NRXN3: variants seen among roughly 807,000 people sequenced by gnomAD.
The protein encoded by NRXN3 is neurexin III.
NRXN3 carries 32 observed loss-of-function variants against 137.6 expected under a neutral mutation model. That is an observed-to-expected ratio of 0.23 (90% confidence interval 0.18 to 0.31). The LOEUF (loss-of-function observed/expected upper bound fraction) is 0.31, where lower values mean the gene tolerates loss of function less well. Among genes scored for constraint, NRXN3 ranks in the 10% least tolerant of loss-of-function variants. NRXN3 has a pLI of 1.00. For missense variants in NRXN3, 1,574 were observed against 2,062.5 expected (o/e 0.76, Z 4.59); for synonymous variants, 798 against 784.5 (o/e 1.02, Z -0.29).
intron 15 of NRXN3, among the ~76,000 whole-genome samples, chr14:79,173,164 A>C (rs2061952281): frequency 6.6e-6 from 1 of 152,210 alleles, no homozygotes; most frequent in Non-Finnish European, 1.5e-5. Flanking sequence ...ATTGGTTGAA[A>C]CATTGCTAAC....
chr14:79,259,215 C>G (rs529895840), intron 15 of NRXN3, among the ~76,000 whole-genome samples: 2 of 152,268 alleles, frequency 1.3e-5, no homozygotes, highest in South Asian at 4.2e-4. Flanking sequence ...AGGTTGTGAG[C>G]TTTTGTTCGT....
chr14:79,585,193 T>G (rs946538125), intron 16 of NRXN3, among the ~76,000 whole-genome samples: 1 of 152,192 alleles, frequency 6.6e-6, no homozygotes, highest in African/African-American at 2.4e-5. Context: ...TCAAAGTGAT[T>G]TTATGCCCAC....
At chr14:79,357,308 T>C (rs1343654361) in intron 15 of NRXN3, among the ~76,000 whole-genome samples, 1 of 152,164 alleles carries the variant, frequency 6.6e-6, no homozygotes, top group Non-Finnish European at 1.5e-5. Context: ...ATTTTCACAG[T>C]ATTCATAATT....
intron 4 of NRXN3, among the ~76,000 whole-genome samples, chr14:78,484,903 T>C (rs2095537717): frequency 6.6e-6 from 1 of 152,142 alleles, no homozygotes; most frequent in Non-Finnish European, 1.5e-5. Context: ...GAGACACTTG[T>C]CCGGATATGA....
chr14:78,808,954 TA>T lies in NRXN3; in HGVS notation c.2249-1354del, dbSNP rs373641297. Among the ~76,000 whole-genome samples the T allele has an allele frequency of 3.7e-3, 547 of 149,794 alleles. 4 individuals are homozygous for T. Among genetic ancestry groups the T allele is most frequent in the African/African-American group, 0.012 (498 of 40,918 alleles). ...ATTTTCCCCTCTATCTTTCTTCCTT[TA>T]AAAAAAAAATCATTTCGCTTCTACC... On this transcript the variant is annotated intron_variant, in intron 9 of 20. Transcript: ENST00000335750.
chr14:79,170,305 A>T (rs1443714491), intron 15 of NRXN3, among the ~76,000 whole-genome samples: 1 of 152,116 alleles, frequency 6.6e-6, no homozygotes, highest in Non-Finnish European at 1.5e-5. Flanking sequence ...AAATTATTTA[A>T]CTTCCTTAAA....
chr14:79,527,501 A>G (rs1054202747), intron 16 of NRXN3, among the ~76,000 whole-genome samples: 8 of 152,094 alleles, frequency 5.3e-5, no homozygotes, highest in Non-Finnish European at 8.8e-5. Context: ...GTTATGAACA[A>G]TCAATTATAT....
At chr14:79,477,584 A>G (rs4899746) in intron 16 of NRXN3, among the ~76,000 whole-genome samples, 106,855 of 151,942 alleles carry the variant, frequency 0.7, 38,478 homozygotes, top group African/African-American at 0.86. Context: ...GTTTTATACC[A>G]ATGATCGATT....
intron 4 of NRXN3, among the ~76,000 whole-genome samples, chr14:78,549,554 C>T (rs1043248508): frequency 2.0e-5 from 3 of 152,152 alleles, no homozygotes; most frequent in Non-Finnish European, 2.9e-5. Flanking sequence ...CTGTCAGTGC[C>T]TCATCGATGT....
At chr14:79,595,032 C>T (rs1043739572) in intron 16 of NRXN3, among the ~76,000 whole-genome samples, 2 of 152,212 alleles carry the variant, frequency 1.3e-5, no homozygotes, top group South Asian at 2.1e-4. Context: ...ATGCATACCT[C>T]AGCTGAAAAT....
At chr14:78,749,919 C>T (rs963189711) in intron 8 of NRXN3, among the ~76,000 whole-genome samples, 2 of 152,188 alleles carry the variant, frequency 1.3e-5, no homozygotes, top group African/African-American at 4.8e-5. Context: ...AAGAAAATCC[C>T]CTGCAGATGT....
chr14:79,806,938 T>TTATATATATATATATATA (rs1296037210), intron 20 of NRXN3, among the ~76,000 whole-genome samples: 14 of 58,066 alleles, frequency 2.4e-4, no homozygotes, highest in African/African-American at 9.1e-4. Context: ...GGCTTTAATT[T>TTATATATATATATATATA]TATATATATA....
At chr14:79,106,254 G>A (rs1027465025) in intron 15 of NRXN3, among the ~76,000 whole-genome samples, 8 of 152,102 alleles carry the variant, frequency 5.3e-5, no homozygotes, top group African/African-American at 1.7e-4. Context: ...CTTGGATGAC[G>A]GTAGGTAGCA....
Position 79,861,679 on chromosome 14 carries a change from G to A in NRXN3, c.4431G>A (p.Pro1477=), listed in dbSNP as rs1254494576. 4 of 1,614,150 alleles carry A rather than the reference G, an allele frequency of 2.5e-6. No homozygotes were observed. The South Asian group carries it at 3.3e-5, about 13-fold the overall frequency. Residue 1477 remains proline (P), a synonymous_variant, in exon 21 of 21, where the codon CCG becomes CCA. Coordinates refer to ENST00000335750, the MANE Select transcript of NRXN3 (RefSeq NM_001330195.2). This position sits in a 1 kb window ranked among gnomAD's most constrained non-coding sequence, Gnocchi z 5.4. The part of the protein sequence containing the change: ...RNVPTANPTE[P]GIRRVPGASE... ...TGCCCACAGCAAACCCCACGGAGCC[G>A]GGAATCAGACGGGTTCCGGGGGCCT...
At chr14:79,758,330 G>T (rs186905060) in intron 19 of NRXN3, among the ~76,000 whole-genome samples, 1 of 152,250 alleles carries the variant, frequency 6.6e-6, no homozygotes, top group African/African-American at 2.4e-5. Context: ...TCTCCTTCTG[G>T]TGCTGCCCCT....
At chr14:78,528,332 C>A (rs541571019) in intron 4 of NRXN3, among the ~76,000 whole-genome samples, 23 of 152,258 alleles carry the variant, frequency 1.5e-4, no homozygotes, top group African/African-American at 5.3e-4. Flanking sequence ...GTGGAATTCC[C>A]ATTTTGTGTA....
At chr14:79,265,449 G>A (rs1005629963) in intron 15 of NRXN3, among the ~76,000 whole-genome samples, 1 of 151,610 alleles carries the variant, frequency 6.6e-6, no homozygotes, top group African/African-American at 2.4e-5. Context: ...TAGTGCCAAT[G>A]GTAGCTAAAG....
chr14:78,251,912 T>C (rs1189745185), intron 2 of NRXN3, among the ~76,000 whole-genome samples: 4 of 152,130 alleles, frequency 2.6e-5, no homozygotes, highest in African/African-American at 4.8e-5. Context: ...GTTGCAGGTA[T>C]CAGGCTGTGG....
At chr14:79,180,565 A>AT (rs2062817664) in intron 15 of NRXN3, among the ~76,000 whole-genome samples, 2 of 152,072 alleles carry the variant, frequency 1.3e-5, no homozygotes, top group African/African-American at 2.4e-5. Flanking sequence ...ATTAACTGCT[A>AT]TTTTTTATTT....
Sources: allele counts gnomAD v4.1 joint callset (sites outside exome capture counted in the v4.1 genomes callset), GRCh38; gene constraint gnomAD v4.1.1; non-coding constraint Gnocchi (gnomAD v3.1); transcripts MANE v1.5; gene names NCBI Gene and HGNC (gene_info 2026-07-23, HGNC 2026-07-21).